Variants in IGF2R observed in about 807,000 individuals in gnomAD.
IGF2R encodes the protein insulin like growth factor 2 receptor.
IGF2R carries 91 observed loss-of-function variants against 270.6 expected under a neutral mutation model. That is an observed-to-expected ratio of 0.34 (90% CI 0.28 to 0.40). IGF2R has a LOEUF of 0.40. IGF2R is among the 10% of genes least tolerant of loss of function. The probability of loss-of-function intolerance (pLI) is 1.00; values close to 1 mark genes in which losing one functional copy is unlikely to be tolerated. For missense variants in IGF2R, 2,805 were observed against 3,188.3 expected, an observed-to-expected ratio of 0.88 and a Z score of 2.90; for synonymous variants, 1,316 against 1,258.9, an observed-to-expected ratio of 1.05 and a Z score of -0.96.
intron 4 of IGF2R, among the ~76,000 whole-genome samples, chr6:160,017,402 C>T (rs1777330453): frequency 6.6e-6 from 1 of 152,204 alleles, no homozygotes; most frequent in African/African-American, 2.4e-5. Flanking sequence ...ATAGATATTA[C>T]TAAGGGAGAA....
In IGF2R at chr6:160,075,830, C is replaced by G. The variant is rs1778844360; in HGVS notation, c.5167-17C>G. On this transcript the variant is annotated splice_polypyrimidine_tract_variant and intron_variant, in intron 35 of 47. Transcript: ENST00000356956. ...GTTAATTTCCTGAAATACTGTTTGC[C>G]CTCGCTCTTTGTTTAGGATATCGGC... The G allele has an allele frequency of 6.2e-7, 1 of 1,610,338 alleles. No homozygotes were observed. The highest frequency in any genetic ancestry group is 8.5e-7 in the Non-Finnish European group (1 of 1,177,036).
Position 160,032,591 on chromosome 6 carries a change from A to C in IGF2R, c.923A>C (p.Tyr308Ser). ...PKLTAKSNCR[Y>S]EIEWITEYAC... ...CTCACAGCTAAATCCAACTGCCGCT[A>C]TGAAATTGAGTGGATTACTGAGTAT... Residue 308 changes from tyrosine (Y) to serine (S), a missense_variant, in exon 8 of 48, where the codon TAT becomes TCT. Physicochemically the swap from Tyr to Ser is moderately radical, Grantham distance 144 (BLOSUM62 -2). Around this residue, in one of 2 missense-constraint regions of IGF2R, gnomAD observed 954 missense variants for 981.1 expected, o/e 0.97. Coordinates refer to ENST00000356956, the MANE Select transcript of IGF2R (RefSeq NM_000876.4). 6.2e-7 allele frequency: 1 copy of C among 1,614,166 alleles called. No homozygotes were observed. The highest frequency in any genetic ancestry group is 1.1e-5 in the South Asian group (1 of 91,078).
intron 1 of IGF2R, among the ~76,000 whole-genome samples, chr6:159,981,592 T>C (rs1176478958): frequency 2.0e-5 from 3 of 152,250 alleles, no homozygotes; most frequent in Non-Finnish European, 4.4e-5. Context: ...GATAGCTCTG[T>C]GTTCCTGGTG....
rs1381095258 is a variant in IGF2R, at chr6:160,073,934, G to A, written c.5125G>A (p.Gly1709Arg). 30 of 1,613,808 alleles carry A rather than the reference G, an allele frequency of 1.9e-5. No homozygotes were observed. Among genetic ancestry groups the A allele is most frequent in the African/African-American group, 4.0e-5 (3 of 74,914 alleles). Reference sequence around the variant, plus strand: ...CATGCACGGAGTGCCCTGTCCTGCCGGAGCCGCTGTGTGCAAAGTTCCTAT... The same window carrying A: ...CATGCACGGAGTGCCCTGTCCTGCCAGAGCCGCTGTGTGCAAAGTTCCTAT... ...NPMHGVPCPA[G>R]AAVCKVPIDG... The change falls in exon 35 of 48, where the codon GGA (glycine) becomes AGA (arginine). Residue 1709 changes from glycine to arginine, a missense_variant. Physicochemically the swap from Gly to Arg is moderately radical, Grantham distance 125. Transcript: ENST00000356956.
At chr6:159,992,639 C>CAAACACA (rs1386232174) in intron 2 of IGF2R, among the ~76,000 whole-genome samples, 2 of 151,610 alleles carry the variant, frequency 1.3e-5, no homozygotes, top group African/African-American at 4.9e-5. Context: ...CAAACACACA[C>CAAACACA]CACATTTTTT....
In IGF2R at chr6:160,009,110, T is replaced by G. The variant is rs1784292344; in HGVS notation, c.390T>G (p.Ile130Met). The change falls in exon 3 of 48, where the codon ATT (isoleucine) becomes ATG (methionine). Residue 130 changes from isoleucine to methionine, a missense_variant. By Grantham distance (10) the Ile-to-Met change is conservative (BLOSUM62 1). Around this residue, in one of 2 missense-constraint regions of IGF2R, gnomAD observed 954 missense variants for 981.1 expected, o/e 0.97. Coordinates refer to ENST00000356956, the MANE Select transcript of IGF2R (RefSeq NM_000876.4). The part of the protein sequence containing the change: ...QGTNHRVQSS[I>M]AFLCGKTLGT... ...CAAATCACAGAGTCCAGAGCAGCAT[T>G]GCCTTCCTGTGTGGGAAAACCCTGG... 3 of 1,613,968 alleles carry G rather than the reference T, an allele frequency of 1.9e-6. No individual in the cohort carries two copies. In the African/African-American group the frequency reaches 4.0e-5, roughly 22 times the overall value.
chr6:160,081,624 T>G (rs1056184610), intron 39 of IGF2R, among the ~76,000 whole-genome samples: 3 of 152,214 alleles, frequency 2.0e-5, no homozygotes, highest in Non-Finnish European at 4.4e-5. Flanking sequence ...AGGGCGTGTT[T>G]CATCCCTTAT....
intron 19 of IGF2R, among the ~76,000 whole-genome samples, chr6:160,056,079 T>C (rs1778310832): frequency 6.6e-6 from 1 of 152,202 alleles, no homozygotes; most frequent in South Asian, 2.1e-4. Flanking sequence ...GAATCCTACG[T>C]ACCGTTGCCT....
intron 15 of IGF2R, 76 bp from the exon 16 acceptor site, chr6:160,047,083 C>T: frequency 7.1e-7 from 1 of 1,410,762 alleles, no homozygotes; most frequent in East Asian, 2.3e-5. Context: ...GCTCACGGGC[C>T]CTCCCTTCAG....
rs988672425 is a variant in IGF2R, at chr6:160,110,581, A to G, written c.*5497A>G. The G allele has an allele frequency of 1.3e-5, 2 of 152,238 alleles. No homozygotes were observed. Among genetic ancestry groups the G allele is most frequent in the African/African-American group, 4.8e-5 (2 of 41,466 alleles). The allele number at this position is 152,238 out of a possible 1,614,324, so 9.4% of individuals were successfully genotyped here. A position where few individuals can be genotyped will look rare whatever the true frequency, so the allele number is the denominator to read the frequency against. On this transcript the variant is annotated 3_prime_UTR_variant, in exon 48 of 48. Coordinates refer to ENST00000356956, the MANE Select transcript of IGF2R (RefSeq NM_000876.4). Reference sequence around the variant, plus strand: ...ACATCTGGGTGTATATCCAAAAGAAATGAAGTCAGTACCTTGAAGAGATCT... The same window carrying G: ...ACATCTGGGTGTATATCCAAAAGAAGTGAAGTCAGTACCTTGAAGAGATCT...
intron 28 of IGF2R, 95 bp from the exon 29 acceptor site, chr6:160,064,709 G>A (rs1245273950): frequency 1.5e-5 from 17 of 1,118,454 alleles, no homozygotes; most frequent in East Asian, 4.8e-5. Flanking sequence ...TTTCATGAAC[G>A]TAACCATTCT....
At chr6:160,064,588 G>A in intron 28 of IGF2R, 57 bp downstream of exon 28, 6 of 1,579,174 alleles carry the variant, frequency 3.8e-6, no homozygotes, top group Non-Finnish European at 4.3e-6. Flanking sequence ...AGGCTGCTGG[G>A]ATCATATTAG....
At chr6:160,031,610 C>T (rs563309083) in intron 7 of IGF2R, among the ~76,000 whole-genome samples, 13 of 152,198 alleles carry the variant, frequency 8.5e-5, no homozygotes, top group East Asian at 3.9e-4. Flanking sequence ...TTACGGAGCC[C>T]TGGGGTCTGC....
intron 45 of IGF2R, among the ~76,000 whole-genome samples, chr6:160,099,063 T>C (rs756369981): frequency 2.3e-4 from 35 of 152,156 alleles, no homozygotes; most frequent in Non-Finnish European, 2.8e-4. Context: ...TACACAAAGC[T>C]AAAAGACAGG....
chr6:160,092,632 G>A (rs1779252148), intron 44 of IGF2R, among the ~76,000 whole-genome samples: 1 of 152,210 alleles, frequency 6.6e-6, no homozygotes, highest in African/African-American at 2.4e-5. Context: ...GGGCAGAGCT[G>A]TCTCTCATCA....
At chr6:159,977,262 G>A (rs906671029) in intron 1 of IGF2R, among the ~76,000 whole-genome samples, 21 of 152,220 alleles carry the variant, frequency 1.4e-4, no homozygotes, top group Admixed American at 3.9e-4. Context: ...TGATTGCATG[G>A]TGCTGGTGCC....
chr6:160,089,886 A>G (rs1254941031), intron 43 of IGF2R, 30 bp from the exon 44 acceptor site: 1 of 1,489,696 alleles, frequency 6.7e-7, no homozygotes, highest in Admixed American at 2.2e-5. Flanking sequence ...AAGGACTTCC[A>G]TGTCACTGTG....
At chr6:160,019,935 A>C (rs936461573) in intron 4 of IGF2R, among the ~76,000 whole-genome samples, 3 of 152,154 alleles carry the variant, frequency 2.0e-5, no homozygotes, top group African/African-American at 7.2e-5. Context: ...TCTCCTATTC[A>C]ACATAGTACT....
At chr6:160,008,938 G>T in intron 2 of IGF2R, 72 bp from the exon 3 acceptor site, 4 of 1,465,338 alleles carry the variant, frequency 2.7e-6, no homozygotes, top group Non-Finnish European at 2.8e-6. Flanking sequence ...CTTTTAATTT[G>T]CTTTTCCTTG....
Sources: gnomAD v4.1 joint callset for allele counts (sites outside exome capture counted in the v4.1 genomes callset) on GRCh38, gnomAD v4.1.1 for gene constraint, gnomAD v4.1.1 regional missense constraint, MANE v1.5 for transcripts, NCBI Gene and HGNC (gene_info 2026-07-23, HGNC 2026-07-21) for gene names.